POU6F2: variants seen among roughly 807,000 people sequenced by gnomAD.
POU6F2 encodes the protein POU domain, class 6, transcription factor 2.
Under a neutral mutation model 71.3 loss-of-function variants are expected in POU6F2, and 31 were observed. The observed-to-expected ratio is 0.43, with a 90% CI of 0.33 to 0.59. The LOEUF (loss-of-function observed/expected upper bound fraction) is 0.59. POU6F2 is among the 20% of genes least tolerant of loss of function. The probability of loss-of-function intolerance (pLI) is 0.04; values close to 1 mark genes in which losing one functional copy is unlikely to be tolerated. For missense variants in POU6F2, 783 were observed against 856.8 expected (o/e 0.91, Z 1.07); for synonymous variants, 347 against 355.7 (o/e 0.98, Z 0.27).
intron 2 of POU6F2, among the ~76,000 whole-genome samples, chr7:39,196,986 G>A (rs192250480): frequency 4.6e-5 from 7 of 152,304 alleles, no homozygotes; most frequent in Admixed American, 1.3e-4. Flanking sequence ...CACAGAGCCC[G>A]GCAGCCCCCA....
chr7:39,226,344 G>A (rs999543213), intron 4 of POU6F2, among the ~76,000 whole-genome samples: 19 of 152,162 alleles, frequency 1.2e-4, no homozygotes, highest in African/African-American at 4.6e-4. Context: ...TCAGTGGAGA[G>A]GCCTGTATCC....
At chr7:39,348,667 T>G (rs1786076317) in intron 5 of POU6F2, among the ~76,000 whole-genome samples, 1 of 152,238 alleles carries the variant, frequency 6.6e-6, no homozygotes, top group African/African-American at 2.4e-5. Flanking sequence ...TAGTGAAATA[T>G]ATATTCTTAT....
intron 1 of POU6F2, among the ~76,000 whole-genome samples, chr7:39,034,859 G>A (rs754735627): frequency 1.3e-5 from 2 of 152,002 alleles, no homozygotes; most frequent in African/African-American, 2.4e-5. Flanking sequence ...TGGTTGTGAG[G>A]GGATGCCGAG....
chr7:39,455,963 A>G (rs571641301), intron 8 of POU6F2, among the ~76,000 whole-genome samples: 3 of 152,328 alleles, frequency 2.0e-5, no homozygotes, highest in East Asian at 1.9e-4. Context: ...ATGCCATGTT[A>G]GCCTAAGTCC....
At chr7:39,182,993 A>T (rs879634025) in intron 2 of POU6F2, among the ~76,000 whole-genome samples, 1 of 152,142 alleles carries the variant, frequency 6.6e-6, no homozygotes, top group South Asian at 2.1e-4. Context: ...GGTGTCCCCA[A>T]CTCCCAAGCT....
At chr7:39,424,823 C>CA (rs77118861) in intron 6 of POU6F2, among the ~76,000 whole-genome samples, 5,631 of 141,260 alleles carry the variant, frequency 0.04, 156 homozygotes, top group Non-Finnish European at 0.059. Context: ...CAAGCACACA[C>CA]AAAAAAAAAA....
intron 5 of POU6F2, among the ~76,000 whole-genome samples, chr7:39,395,059 G>A (rs1334417347): frequency 6.6e-6 from 1 of 152,040 alleles, no homozygotes; most frequent in Non-Finnish European, 1.5e-5. Context: ...GCTACCTCCT[G>A]TTCTCATCTG....
chr7:39,090,597 T>C (rs1241807879), intron 2 of POU6F2, among the ~76,000 whole-genome samples: 1 of 152,188 alleles, frequency 6.6e-6, no homozygotes, highest in Non-Finnish European at 1.5e-5. Flanking sequence ...CAGTAATCAG[T>C]ACCAAGAGCT....
At chr7:39,169,770 G>A (rs1793183843) in intron 2 of POU6F2, among the ~76,000 whole-genome samples, 1 of 151,824 alleles carries the variant, frequency 6.6e-6, no homozygotes, top group Admixed American at 6.6e-5. Context: ...AATAAAATAA[G>A]GGTTAGTACT....
chr7:39,114,884 G>A lies in POU6F2; in HGVS notation c.277+28853G>A, dbSNP rs557448231. On this transcript the variant is annotated intron_variant, in intron 2 of 9. Transcript: ENST00000518318. ...CTCACATACATATGTGAGTACACAT[G>A]CAGACAGATAGGTGAGCACATAGAC... Among the ~76,000 whole-genome samples the A allele has an allele frequency of 2.6e-5, 4 of 152,246 alleles. No individual in the cohort carries two copies. In the South Asian group the frequency reaches 8.3e-4, roughly 32 times the overall value.
chr7:39,160,455 G>A (rs1156880873), intron 2 of POU6F2, among the ~76,000 whole-genome samples: 2 of 152,050 alleles, frequency 1.3e-5, no homozygotes, highest in African/African-American at 2.4e-5. Flanking sequence ...GTCCCAGTCC[G>A]CACCTATGAT....
chr7:39,155,510 T>A (rs1034137750), intron 2 of POU6F2, among the ~76,000 whole-genome samples: 2 of 152,156 alleles, frequency 1.3e-5, no homozygotes, highest in Admixed American at 6.5e-5. Flanking sequence ...ATAATTCCCA[T>A]TTAGAAAAAC....
chr7:38,982,895 G>A (rs749646260), intron 1 of POU6F2, among the ~76,000 whole-genome samples: 3 of 152,042 alleles, frequency 2.0e-5, no homozygotes, highest in Admixed American at 6.6e-5. Flanking sequence ...AGTTTCCTGC[G>A]TGTAAAATCT....
intron 4 of POU6F2, among the ~76,000 whole-genome samples, chr7:39,330,651 C>T (rs1444193669): frequency 1.3e-5 from 2 of 152,230 alleles, no homozygotes; most frequent in Non-Finnish European, 2.9e-5. Context: ...TCCTTTCATA[C>T]TCCACCAAAT....
chr7:39,419,888 T>A (rs1474869044), intron 6 of POU6F2, among the ~76,000 whole-genome samples: 1 of 152,226 alleles, frequency 6.6e-6, no homozygotes, highest in Non-Finnish European at 1.5e-5. Flanking sequence ...GATGCCTAGC[T>A]TGCCTCTATG....
At chr7:39,102,073 C>A (rs1383286724) in intron 2 of POU6F2, among the ~76,000 whole-genome samples, 2 of 152,056 alleles carry the variant, frequency 1.3e-5, no homozygotes, top group South Asian at 4.1e-4. Context: ...TGAAAAAATC[C>A]ACAGAATCAT....
chr7:39,159,016 T>TA (rs78235966), intron 2 of POU6F2, among the ~76,000 whole-genome samples: 2,566 of 144,116 alleles, frequency 0.018, 62 homozygotes, highest in African/African-American at 0.062. Context: ...TACTAACAAT[T>TA]AAAAAAAAAA....
chr7:39,464,088 A>C lies in POU6F2; in HGVS notation c.1659-94A>C. On this transcript the variant is annotated intron_variant, in intron 9 of 9. Coordinates refer to ENST00000518318, the MANE Select transcript of POU6F2 (RefSeq NM_001370959.1). The surrounding 1 kb of genome is among the most constrained non-coding windows in gnomAD (Gnocchi z 4.1). ...GCAGCTGGCTATTAACCTGCAGTAA[A>C]TTCGCCCTGCCAGGCAGTCAGGCAG... 1 of 1,477,004 alleles carries C rather than the reference A, an allele frequency of 6.8e-7. No homozygotes were observed. The highest frequency in any genetic ancestry group is 9.2e-7 in the Non-Finnish European group (1 of 1,089,478). The allele number at this position is 1,477,004 out of a possible 1,614,324, so 91.5% of individuals were successfully genotyped here. A position where few individuals can be genotyped will look rare whatever the true frequency, so the allele number is the denominator to read the frequency against.
chr7:39,039,082 C>A (rs763640962), intron 1 of POU6F2, among the ~76,000 whole-genome samples: 9 of 152,012 alleles, frequency 5.9e-5, no homozygotes, highest in Non-Finnish European at 7.4e-5. Context: ...AATTGTATCA[C>A]AATATTGACT....
Sources: allele counts gnomAD v4.1 joint callset (sites outside exome capture counted in the v4.1 genomes callset), GRCh38; gene constraint gnomAD v4.1.1; non-coding constraint Gnocchi (gnomAD v3.1); transcripts MANE v1.5; gene names NCBI Gene and HGNC (gene_info 2026-07-23, HGNC 2026-07-21).